Variants in NELL1 observed in about 807,000 individuals in gnomAD.
The protein encoded by NELL1 is neural EGFL like 1.
In NELL1, 76 loss-of-function variants were observed where a neutral mutation model predicts 107.4. That is an observed-to-expected ratio of 0.71 (90% CI 0.59 to 0.86). The LOEUF is 0.86. Ranked by LOEUF, NELL1 falls within the 40% of genes least tolerant of loss-of-function variation. The probability of loss-of-function intolerance (pLI) is 0.00; values close to 1 mark genes in which losing one functional copy is unlikely to be tolerated. For missense variants in NELL1, 1,024 were observed against 1,005.5 expected, an observed-to-expected ratio of 1.02 and a Z score of -0.25; for synonymous variants, 353 against 341.2, an observed-to-expected ratio of 1.03 and a Z score of -0.38.
At chr11:21,287,915 A>G (rs1326259732) in intron 14 of NELL1, among the ~76,000 whole-genome samples, 3 of 152,014 alleles carry the variant, frequency 2.0e-5, no homozygotes, top group Non-Finnish European at 4.4e-5. Context: ...GAAGTCATTC[A>G]TCACTATAGC....
intron 12 of NELL1, among the ~76,000 whole-genome samples, chr11:20,984,181 T>C (rs1046284952): frequency 1.3e-5 from 2 of 152,190 alleles, no homozygotes; most frequent in Non-Finnish European, 1.5e-5. Flanking sequence ...TATATTTGTT[T>C]GTAGGATTTC....
At chr11:21,528,887 A>G (rs1338764477) in intron 15 of NELL1, among the ~76,000 whole-genome samples, 1 of 151,934 alleles carries the variant, frequency 6.6e-6, no homozygotes, top group Non-Finnish European at 1.5e-5. Flanking sequence ...TGCCTACGTA[A>G]TCTGTGATTA....
At position 20,830,908 on chromosome 11, in the gene NELL1, C is replaced by T. The variant is rs538259296; in HGVS notation, c.336-16675C>T. Reference sequence around the variant, plus strand: ...TCCAAACACTTCCCACTAGGCCCCACCCCCCAACACCACCACACTGGAGAT... The same window carrying T: ...TCCAAACACTTCCCACTAGGCCCCATCCCCCAACACCACCACACTGGAGAT... On this transcript the variant is annotated intron_variant, in intron 3 of 19. Transcript: ENST00000357134. 2.6e-5 allele frequency among the ~76,000 whole-genome samples: 4 copies of T among 152,204 alleles called. No homozygotes were observed. In the South Asian group the frequency reaches 8.3e-4, roughly 32 times the overall value.
rs1856083695 is a variant in NELL1, at chr11:21,534,524, T to C, written c.1786+10T>C. ...GGGGAGTCCTGTATTGGTAAGCAGC[T>C]TTCAGGCATGCCCTCCAACTGCTTG... On this transcript the variant is annotated intron_variant, in intron 16 of 19. Coordinates refer to ENST00000357134, the MANE Select transcript of NELL1 (RefSeq NM_006157.5). 2 of 1,613,446 alleles carry C rather than the reference T, an allele frequency of 1.2e-6. No individual in the cohort carries two copies. The highest frequency in any genetic ancestry group is 3.3e-5 in the Admixed American group (2 of 59,958).
intron 13 of NELL1, among the ~76,000 whole-genome samples, chr11:21,141,387 T>A (rs1302752751): frequency 6.6e-6 from 1 of 152,218 alleles, no homozygotes; most frequent in Non-Finnish European, 1.5e-5. Flanking sequence ...GGCAATCACA[T>A]ACAATGAATT....
chr11:21,341,912 A>G (rs1044454725), intron 14 of NELL1, among the ~76,000 whole-genome samples: 2 of 152,196 alleles, frequency 1.3e-5, no homozygotes, highest in East Asian at 3.9e-4. Context: ...TTTTCTAAAC[A>G]TTTCCACTGT....
At chr11:21,524,105 G>A (rs537309563) in intron 15 of NELL1, among the ~76,000 whole-genome samples, 118 of 152,182 alleles carry the variant, frequency 7.8e-4, no homozygotes, top group African/African-American at 2.8e-3. Flanking sequence ...TCCCCCAAGT[G>A]TACAAGAGGC....
intron 14 of NELL1, among the ~76,000 whole-genome samples, chr11:21,300,869 A>G (rs1459162879): frequency 1.3e-5 from 2 of 152,056 alleles, no homozygotes; most frequent in African/African-American, 2.4e-5. Context: ...TTGTCTTTAC[A>G]TTAGGTATAT....
intron 12 of NELL1, among the ~76,000 whole-genome samples, chr11:21,012,130 C>A (rs1306778587): frequency 6.6e-6 from 1 of 152,084 alleles, no homozygotes; most frequent in Non-Finnish European, 1.5e-5. Context: ...CAAGTTGAGC[C>A]CCACTGCAGC....
intron 15 of NELL1, among the ~76,000 whole-genome samples, chr11:21,481,051 T>C (rs1854480870): frequency 6.6e-6 from 1 of 152,204 alleles, no homozygotes; most frequent in Non-Finnish European, 1.5e-5. Context: ...AATGCCTTTC[T>C]CCAAAGGCCA....
chr11:21,355,040 C>T (rs1291337608), intron 14 of NELL1, among the ~76,000 whole-genome samples: 1 of 152,182 alleles, frequency 6.6e-6, no homozygotes, highest in African/African-American at 2.4e-5. Context: ...GAACTGCTTT[C>T]AGAGGTTTTA....
intron 14 of NELL1, among the ~76,000 whole-genome samples, chr11:21,321,479 A>C (rs1850008993): frequency 6.6e-6 from 1 of 152,308 alleles, no homozygotes; most frequent in South Asian, 2.1e-4. Flanking sequence ...TTTTTATCTC[A>C]TATAAATGTT....
chr11:21,038,880 A>G (rs1853159681), intron 12 of NELL1, among the ~76,000 whole-genome samples: 1 of 152,084 alleles, frequency 6.6e-6, no homozygotes. Flanking sequence ...TTTTTTGTTC[A>G]TTTGTCTGTT....
chr11:21,291,752 G>GTTCAA (rs1849267510), intron 14 of NELL1, among the ~76,000 whole-genome samples: 2 of 151,864 alleles, frequency 1.3e-5, no homozygotes, highest in Non-Finnish European at 2.9e-5. Context: ...TTCATCCCTG[G>GTTCAA]GATGCAAGCC....
intron 14 of NELL1, among the ~76,000 whole-genome samples, chr11:21,336,647 G>GTATATATATATATATATA (rs1350044303): frequency 2.8e-5 from 2 of 70,706 alleles, no homozygotes; most frequent in African/African-American, 8.3e-5. Flanking sequence ...CTTCATATGT[G>GTATATATATATATATATA]TGTGTATATA....
intron 15 of NELL1, among the ~76,000 whole-genome samples, chr11:21,498,903 A>T (rs2133928715): frequency 6.6e-6 from 1 of 152,158 alleles, no homozygotes; most frequent in African/African-American, 2.4e-5. Context: ...GAGGTTAAAC[A>T]TCTTTTAATT....
intron 14 of NELL1, among the ~76,000 whole-genome samples, chr11:21,342,031 A>G (rs955278368): frequency 2.7e-4 from 41 of 152,320 alleles, no homozygotes; most frequent in African/African-American, 9.1e-4. Flanking sequence ...AACCTAAATG[A>G]GTTGTCGATA....
intron 12 of NELL1, among the ~76,000 whole-genome samples, chr11:21,072,397 T>A (rs2134380911): frequency 6.6e-6 from 1 of 152,310 alleles, no homozygotes; most frequent in East Asian, 1.9e-4. Flanking sequence ...TAAGGTGATC[T>A]CTGGGTTTTA....
In NELL1 at chr11:20,757,986, G is replaced by T. The variant is rs76114649; in HGVS notation, c.185-25694G>T. Among the ~76,000 whole-genome samples the T allele has an allele frequency of 9.4e-3, 1,438 of 152,288 alleles. 22 individuals are homozygous for T. The highest frequency in any genetic ancestry group is 0.033 in the African/African-American group (1,380 of 41,556). On this transcript the variant is annotated intron_variant, in intron 2 of 19. Transcript: ENST00000357134. ...CTGGTGAGAACCTTCCCCCTGGTTTGCAGATAGCCTCCTCCTTGCTCTATC... is the reference window on the plus strand; with the variant it reads ...CTGGTGAGAACCTTCCCCCTGGTTTTCAGATAGCCTCCTCCTTGCTCTATC...
Sources: gnomAD v4.1 joint callset for allele counts (sites outside exome capture counted in the v4.1 genomes callset) on GRCh38, gnomAD v4.1.1 for gene constraint, MANE v1.5 for transcripts, NCBI Gene and HGNC (gene_info 2026-07-23, HGNC 2026-07-21) for gene names.